ZFP64: variants seen among roughly 807,000 people sequenced by gnomAD.
ZFP64 encodes ZFP64 zinc finger protein, also known as zinc finger protein 64.
In ZFP64, 14 loss-of-function variants were observed where a neutral mutation model predicts 51.6. That is an observed-to-expected ratio of 0.27 (90% confidence interval 0.18 to 0.42). The LOEUF is 0.42. Ranked by LOEUF, ZFP64 falls within the 10% of genes least tolerant of loss-of-function variation. The pLI is 1.00. For missense variants in ZFP64, 754 were observed against 906.8 expected, an observed-to-expected ratio of 0.83 and a Z score of 2.16; for synonymous variants, 375 against 361.4, an observed-to-expected ratio of 1.04 and a Z score of -0.43.
At chr20:52,095,111 T>C (rs530354473) in intron 7 of ZFP64, among the ~76,000 whole-genome samples, 2 of 152,380 alleles carry the variant, frequency 1.3e-5, no homozygotes, top group African/African-American at 4.8e-5. Flanking sequence ...TTAGAATCCC[T>C]GCCTCCCACT....
chr20:52,151,524 T>C lies in ZFP64; in HGVS notation c.*622A>G, dbSNP rs116687856. ...TAATAAGATGGACAGAAACCTTTAT[T>C]AGAGTTGGAAAATCAAGTTGGAAAC... On this transcript the variant is annotated 3_prime_UTR_variant, in exon 6 of 6. Coordinates refer to ENST00000216923, the MANE Select transcript of ZFP64 (RefSeq NM_018197.3). 986 of 985,632 alleles carry C rather than the reference T, an allele frequency of 1.0e-3. 6 individuals are homozygous for C. The African/African-American group carries it at 0.016, about 16-fold the overall frequency. 61.1% of individuals were successfully genotyped at this position (985,632 alleles called of 1,614,324 possible).
At chr20:52,115,799 CTCTCTG>C (rs1479046060) in intron 5 of ZFP64, among the ~76,000 whole-genome samples, 9 of 145,332 alleles carry the variant, frequency 6.2e-5, no homozygotes, top group East Asian at 2.0e-4. Context: ...CTCTCTCTCT[CTCTCTG>C]TGTGTGTGAA....
chr20:52,112,082 C>CAAA lies in ZFP64; in HGVS notation c.764-13498_764-13496dup, dbSNP rs375422075. Among the ~76,000 whole-genome samples, 108 of 78,344 alleles carry CAAA rather than the reference C, an allele frequency of 1.4e-3. 1 individual carries two copies. The highest frequency in any genetic ancestry group is 4.9e-3 in the African/African-American group (99 of 20,296). The allele number at this position is 78,344 out of a possible 152,430, so 51.4% of individuals were successfully genotyped here. ...GGGCAACAGAGCGAGACTCTATCTC[C>CAAA]AAAAAAAAAAAAAAAAAACAAAAAA... On this transcript the variant is annotated intron_variant, in intron 5 of 8. Coordinates refer to the ZFP64 transcript ENST00000361387.
Position 52,153,165 on chromosome 20 carries a change from C to T in ZFP64, c.1027G>A (p.Glu343Lys), listed in dbSNP as rs1476884719. ...HSRVHQSEHP[E>K]KCSECSYSCS... Reference sequence around the variant, plus strand: ...GAGTAGCTGCATTCCGAGCACTTCTCAGGATGCTCCGACTGGTGCACGCGG... The same window carrying T: ...GAGTAGCTGCATTCCGAGCACTTCTTAGGATGCTCCGACTGGTGCACGCGG... The change falls in exon 6 of 6, where the codon GAG (glutamate) becomes AAG (lysine). Residue 343 changes from glutamate to lysine, a missense_variant. By Grantham distance (56) the Glu-to-Lys change is moderately conservative (BLOSUM62 1). This residue lies in a region of ZFP64 where 428 missense variants were observed against 472.4 expected (regional missense o/e 0.91). Transcript: ENST00000216923. The surrounding 1 kb of genome is among the most constrained non-coding windows in gnomAD (Gnocchi z 5.1). 18 of 1,614,224 alleles carry T rather than the reference C, an allele frequency of 1.1e-5. No homozygotes were observed. Among genetic ancestry groups the T allele is most frequent in the Non-Finnish European group, 1.1e-5 (13 of 1,180,046 alleles).
chr20:52,102,694 C>T (rs1188997830), intron 5 of ZFP64, among the ~76,000 whole-genome samples: 1 of 152,120 alleles, frequency 6.6e-6, no homozygotes, highest in Non-Finnish European at 1.5e-5. Context: ...GACTGGGAAA[C>T]CAGCTGATAA....
At chr20:52,141,283 CTA>C (rs1178954519) in intron 5 of ZFP64, among the ~76,000 whole-genome samples, 1 of 152,158 alleles carries the variant, frequency 6.6e-6, no homozygotes, top group Non-Finnish European at 1.5e-5. Context: ...TTTTGTAAGA[CTA>C]TAGCGGTGAT....
At chr20:52,114,696 A>G (rs1460046387) in intron 5 of ZFP64, among the ~76,000 whole-genome samples, 1 of 152,206 alleles carries the variant, frequency 6.6e-6, no homozygotes, top group Non-Finnish European at 1.5e-5. Context: ...GCAATTTGGC[A>G]ATACGTTTTT....
At chr20:52,093,074 T>G (rs2078945910) in intron 7 of ZFP64, among the ~76,000 whole-genome samples, 1 of 152,158 alleles carries the variant, frequency 6.6e-6, no homozygotes, top group Non-Finnish European at 1.5e-5. Flanking sequence ...CAAGGGCCAC[T>G]GTGTGGTTCC....
At chr20:52,131,786 C>T (rs1345566954) in intron 5 of ZFP64, among the ~76,000 whole-genome samples, 1 of 152,096 alleles carries the variant, frequency 6.6e-6, no homozygotes, top group African/African-American at 2.4e-5. Context: ...GACTTCAACA[C>T]CCCACTTTCA....
chr20:52,141,525 G>A (rs1980253784), intron 5 of ZFP64, among the ~76,000 whole-genome samples: 1 of 152,130 alleles, frequency 6.6e-6, no homozygotes, highest in African/African-American at 2.4e-5. Context: ...CAAGACCTCA[G>A]TGGAGGAAGT....
chr20:52,134,320 G>C (rs1358801825), intron 5 of ZFP64, among the ~76,000 whole-genome samples: 2 of 152,200 alleles, frequency 1.3e-5, no homozygotes, highest in Admixed American at 1.3e-4. Flanking sequence ...AAGCTTGCCT[G>C]TTCTGTTTCT....
chr20:52,181,744 A>G (rs549491341), intron 2 of ZFP64, among the ~76,000 whole-genome samples: 1 of 152,314 alleles, frequency 6.6e-6, no homozygotes, highest in East Asian at 1.9e-4. Context: ...CCTCGGCTCC[A>G]GACATTCAGA....
intron 5 of ZFP64, among the ~76,000 whole-genome samples, chr20:52,141,967 G>A (rs1220504008): frequency 1.3e-5 from 2 of 152,142 alleles, no homozygotes; most frequent in Non-Finnish European, 2.9e-5. Context: ...AACACCGCAT[G>A]GTCTCACTTA....
chr20:52,164,726 C>T lies in ZFP64; in HGVS notation c.480G>A (p.Lys160=). ...GAATTTTTAAATGCCGCTCCATGTC[C>T]TTCATGCCATAAGCAGTCTTGAATT... is the stretch of plus-strand genomic sequence containing the variant. ...GCQFKTAYGM[K]DMERHLKIHT... The change falls in exon 4 of 6, where the codon AAG becomes AAA. Residue 160 remains lysine, a synonymous_variant. Transcript: ENST00000216923. 1 of 1,613,440 alleles carries T rather than the reference C, an allele frequency of 6.2e-7. No homozygotes were observed. The highest frequency in any genetic ancestry group is 1.7e-5 in the Admixed American group (1 of 59,912).
chr20:52,139,168 C>A (rs904309404), intron 5 of ZFP64, among the ~76,000 whole-genome samples: 2 of 152,168 alleles, frequency 1.3e-5, no homozygotes, highest in African/African-American at 4.8e-5. Flanking sequence ...ACTCAGCAAT[C>A]CCATTAATAC....
At chr20:52,165,171 G>A (rs1475806754) in intron 3 of ZFP64, 1 of 458,342 alleles carries the variant, frequency 2.2e-6, no homozygotes, top group South Asian at 1.5e-5. Context: ...TTTTGATATT[G>A]GTAGAAAGGA....
chr20:52,164,543 C>T, intron 4 of ZFP64, 152 bp downstream of exon 4: 2 of 693,462 alleles, frequency 2.9e-6, no homozygotes, highest in South Asian at 3.7e-5. Flanking sequence ...GTCATGTGTA[C>T]AAATGGCACC....
At chr20:52,147,821 C>G (rs577145208), downstream of ZFP64, among the ~76,000 whole-genome samples, 1 of 152,048 alleles carries the variant, frequency 6.6e-6, no homozygotes, top group South Asian at 2.1e-4. Flanking sequence ...GCAAGACCAG[C>G]CTGGTCCACA....
intron 5 of ZFP64, among the ~76,000 whole-genome samples, chr20:52,124,691 C>T (rs1413233254): frequency 1.3e-5 from 2 of 152,026 alleles, no homozygotes; most frequent in African/African-American, 2.4e-5. Context: ...CTCACTGCAG[C>T]CTTGACCTCC....
Sources: gnomAD v4.1 joint callset for allele counts (sites outside exome capture counted in the v4.1 genomes callset) on GRCh38, gnomAD v4.1.1 for gene constraint, gnomAD v4.1.1 regional missense constraint, Gnocchi (gnomAD v3.1) non-coding constraint, MANE v1.5 for transcripts, NCBI Gene and HGNC (gene_info 2026-07-23, HGNC 2026-07-21) for gene names.